RYR3: variants seen among roughly 807,000 people sequenced by gnomAD.
RYR3 encodes the protein brain ryanodine receptor-calcium release channel.
Under a neutral mutation model 584.3 loss-of-function variants are expected in RYR3, and 207 were observed. The ratio of observed to expected loss-of-function variants is 0.35; its 90% CI spans 0.32 to 0.40. The LOEUF (loss-of-function observed/expected upper bound fraction) is 0.40. RYR3 is among the 10% of genes least tolerant of loss of function. RYR3 has a pLI of 1.00. For missense variants in RYR3, 5,616 were observed against 6,089.2 expected, an observed-to-expected ratio of 0.92 and a Z score of 2.59; for synonymous variants, 2,416 against 2,248.5, an observed-to-expected ratio of 1.07 and a Z score of -2.11.
intron 2 of RYR3, among the ~76,000 whole-genome samples, chr15:33,473,966 T>A (rs1373548449): frequency 6.6e-6 from 1 of 152,204 alleles, no homozygotes; most frequent in African/African-American, 2.4e-5. Flanking sequence ...CCCTTTCAGT[T>A]CTGACTGCGC....
At chr15:33,328,438 C>G (rs1174968046) in intron 1 of RYR3, among the ~76,000 whole-genome samples, 1 of 152,164 alleles carries the variant, frequency 6.6e-6, no homozygotes, top group East Asian at 1.9e-4. Flanking sequence ...TCTCAGGTTC[C>G]TTTCTTCAGG....
intron 1 of RYR3, among the ~76,000 whole-genome samples, chr15:33,443,628 A>G (rs1398704649): frequency 6.6e-6 from 1 of 152,138 alleles, no homozygotes; most frequent in East Asian, 1.9e-4. Flanking sequence ...TGTTCAGAGT[A>G]GTAATTATCA....
intron 1 of RYR3, among the ~76,000 whole-genome samples, chr15:33,330,394 C>T (rs1313075912): frequency 6.6e-6 from 1 of 152,126 alleles, no homozygotes; most frequent in African/African-American, 2.4e-5. Context: ...CAGTTGCCAT[C>T]ATGCCATTTT....
At chr15:33,396,624 T>G (rs1234455888) in intron 1 of RYR3, among the ~76,000 whole-genome samples, 1 of 152,192 alleles carries the variant, frequency 6.6e-6, no homozygotes, top group Admixed American at 6.5e-5. Flanking sequence ...TGCAGCTGCC[T>G]GTGTACAAAT....
intron 3 of RYR3, among the ~76,000 whole-genome samples, chr15:33,530,137 G>A (rs1250303252): frequency 6.6e-6 from 1 of 152,210 alleles, no homozygotes; most frequent in Non-Finnish European, 1.5e-5. Flanking sequence ...TGGGCAGAAG[G>A]CATAAGTGCC....
At chr15:33,572,509 G>C (rs2058076150) in intron 12 of RYR3, among the ~76,000 whole-genome samples, 1 of 151,610 alleles carries the variant, frequency 6.6e-6, no homozygotes, top group African/African-American at 2.4e-5. Flanking sequence ...GCATGTGTGT[G>C]GCCTTGCCCA....
chr15:33,729,623 A>G (rs2068778017), intron 47 of RYR3, among the ~76,000 whole-genome samples: 1 of 152,124 alleles, frequency 6.6e-6, no homozygotes, highest in Non-Finnish European at 1.5e-5. Context: ...TGAGATAGAT[A>G]AGGTAGTTCA....
At chr15:33,591,133 A>C (rs1191018617) in intron 16 of RYR3, among the ~76,000 whole-genome samples, 1 of 152,146 alleles carries the variant, frequency 6.6e-6, no homozygotes, top group African/African-American at 2.4e-5. Flanking sequence ...CTCACTTCCT[A>C]CTTTTCCAGG....
rs866384187 is a variant in RYR3 at position 33,865,468 on chromosome 15, C to G, written c.*242C>G. ...AGGAAGGCGAAGAATCAAGTAATCT[C>G]TAGGCAAATGCCTTCAAGTTTTCCA... On this transcript the variant is annotated 3_prime_UTR_variant, in exon 104 of 104. Transcript: ENST00000634891. 6.6e-6 allele frequency: 3 copies of G among 455,508 alleles called. No individual in the cohort carries two copies. The highest frequency in any genetic ancestry group is 2.0e-5 in the African/African-American group (1 of 51,082). The allele number at this position is 455,508 out of a possible 1,614,324, so 28.2% of individuals were successfully genotyped here.
At chr15:33,578,518 A>G (rs1304589906) in intron 12 of RYR3, among the ~76,000 whole-genome samples, 1 of 152,168 alleles carries the variant, frequency 6.6e-6, no homozygotes, top group Non-Finnish European at 1.5e-5. Flanking sequence ...CAGAAAACAA[A>G]GCACCACATG....
chr15:33,471,740 C>T (rs945207461), intron 1 of RYR3, among the ~76,000 whole-genome samples: 1 of 151,804 alleles, frequency 6.6e-6, no homozygotes, highest in African/African-American at 2.4e-5. Flanking sequence ...ATAACTATTT[C>T]TCAATAGGGG....
intron 60 of RYR3, chr15:33,757,855 A>G (rs2072005734): frequency 8.4e-6 from 4 of 475,142 alleles, no homozygotes; most frequent in African/African-American, 2.0e-5. Context: ...AGAGATTAAG[A>G]TGGCCGAATA....
At chr15:33,831,243 T>C (rs1347520631) in intron 86 of RYR3, among the ~76,000 whole-genome samples, 152 bp downstream of exon 86, 2 of 152,250 alleles carry the variant, frequency 1.3e-5, no homozygotes, top group Non-Finnish European at 2.9e-5. Context: ...TAGGAAGCAA[T>C]AGTACCTGCA....
chr15:33,718,356 G>GA (rs1471282315), intron 43 of RYR3, among the ~76,000 whole-genome samples: 1 of 152,116 alleles, frequency 6.6e-6, no homozygotes, highest in Non-Finnish European at 1.5e-5. Context: ...TTGACTTATT[G>GA]AAGAAATATA....
chr15:33,740,897 G>A (rs2070027255), intron 51 of RYR3, among the ~76,000 whole-genome samples: 1 of 152,238 alleles, frequency 6.6e-6, no homozygotes, highest in Non-Finnish European at 1.5e-5. Context: ...GAGCTGTGGG[G>A]ATGGTGAGAC....
chr15:33,804,222 C>A lies in RYR3; in HGVS notation c.10011+2261C>A, dbSNP rs114694536. 9.1e-3 allele frequency among the ~76,000 whole-genome samples: 1,383 copies of A among 152,248 alleles called. 15 individuals carry two copies. The highest frequency in any genetic ancestry group is 0.032 in the African/African-American group (1,316 of 41,538). ...GTTTCATTTCTGTTGTTGTCATATG[C>A]CAAGTATTTCTGAGCCACATGGGAT... is the stretch of plus-strand genomic sequence containing the variant. On this transcript the variant is annotated intron_variant, in intron 69 of 103. Coordinates refer to ENST00000634891, the MANE Select transcript of RYR3 (RefSeq NM_001036.6).
chr15:33,768,825 A>C (rs189124011), intron 61 of RYR3, 118 bp downstream of exon 61: 10 of 970,852 alleles, frequency 1.0e-5, no homozygotes, highest in Non-Finnish European at 1.5e-5. Flanking sequence ...TGTCACCTAA[A>C]TTTGCCATAG....
At chr15:33,742,665 T>A (rs116379145) in intron 52 of RYR3, among the ~76,000 whole-genome samples, 2,018 of 152,318 alleles carry the variant, frequency 0.013, 32 homozygotes, top group African/African-American at 0.046. Flanking sequence ...AAGAAAATGA[T>A]CAATTCTGGA....
intron 98 of RYR3, among the ~76,000 whole-genome samples, 168 bp from the exon 99 acceptor site, chr15:33,857,612 C>T (rs1285135902): frequency 1.3e-5 from 2 of 152,046 alleles, no homozygotes; most frequent in Non-Finnish European, 2.9e-5. Flanking sequence ...GCCATCTTTC[C>T]TCCTCTGCTC....
Sources: allele counts gnomAD v4.1 joint callset (sites outside exome capture counted in the v4.1 genomes callset), GRCh38; gene constraint gnomAD v4.1.1; transcripts MANE v1.5; gene names NCBI Gene and HGNC (gene_info 2026-07-23, HGNC 2026-07-21).